The following RAB8A variants were observed in gnomAD, a reference collection of about 807,000 sequenced individuals.
The protein encoded by RAB8A is RAB8A, member RAS oncogene family, also known as ras-related protein Rab-8A.
A neutral mutation model predicts 29.2 loss-of-function variants in RAB8A; 5 were observed. The ratio of observed to expected loss-of-function variants is 0.17; its 90% CI spans 0.09 to 0.36. The LOEUF is 0.36. RAB8A is among the 10% of genes least tolerant of loss of function. The pLI is 1.00. For missense variants in RAB8A, 171 were observed against 272.2 expected (o/e 0.63, Z 2.62); for synonymous variants, 108 against 99.9 (o/e 1.08, Z -0.49).
Position 16,127,471 on chromosome 19 carries a change from G to A in RAB8A, c.359G>A (p.Gly120Glu). ...ASADVEKMILGNKCDVNDKRQ... is the reference protein window; with the variant it reads ...ASADVEKMILENKCDVNDKRQ... ...GCAGACGTCGAAAAGATGATACTCG[G>A]GAACAAGTGTGATGTGAATGACAAG... Residue 120 changes from glycine (G) to glutamate (E), a missense_variant, in exon 5 of 8, where the codon GGG (glycine) becomes GAG (glutamate). Physicochemically the swap from Gly to Glu is moderately conservative, Grantham distance 98 (BLOSUM62 -2). Around this residue, in one of 3 missense-constraint regions of RAB8A, gnomAD observed 145 missense variants for 212.8 expected, o/e 0.68. Transcript: ENST00000300935. The surrounding 1 kb of genome is among the most constrained non-coding windows in gnomAD (Gnocchi z 4.8). 1.3e-6 allele frequency: 2 copies of A among 1,532,220 alleles called. No homozygotes were observed. The highest frequency in any genetic ancestry group is 1.3e-5 in the South Asian group (1 of 76,556). The allele number at this position is 1,532,220 out of a possible 1,614,324, so 94.9% of individuals were successfully genotyped here.
chr19:16,127,751 CCACAGGAG>C lies in RAB8A; in HGVS notation c.414+227_414+234del. 1 of 604,678 alleles carries C rather than the reference CCACAGGAG, an allele frequency of 1.7e-6. No homozygotes were observed. The allele number at this position is 604,678 out of a possible 1,614,324, so 37.5% of individuals were successfully genotyped here. ...ATGGCCCCGCTCCAGACTTTCAAGA[CCACAGGAG>C]CGGGGAACAGAGCCATAGTTTGATC... is the stretch of plus-strand genomic sequence containing the variant. On this transcript the variant is annotated intron_variant, in intron 5 of 7. Transcript: ENST00000300935. This position sits in a 1 kb window ranked among gnomAD's most constrained non-coding sequence, Gnocchi z 4.8.
chr19:16,124,559 G>A (rs58672212), intron 3 of RAB8A: 20,948 of 152,334 alleles, frequency 0.14, 1,788 homozygotes, highest in East Asian at 0.29. Flanking sequence ...GACTTGTGAT[G>A]GCACTGCAGG....
rs1032020108 is a variant in RAB8A, at chr19:16,121,969, C to T, written c.246+159C>T. ...GTTAGTCTTAGGAACAGGCTTTGTG[C>T]CCCGGCCTACCCCCATGTACATACC... On this transcript the variant is annotated intron_variant, in intron 3 of 7. Coordinates refer to ENST00000300935, the MANE Select transcript of RAB8A (RefSeq NM_005370.5). 9 of 638,658 alleles carry T rather than the reference C, an allele frequency of 1.4e-5. No homozygotes were observed. In the Admixed American group the frequency reaches 2.2e-4, roughly 16 times the overall value. 39.6% of individuals were successfully genotyped at this position (638,658 alleles called of 1,614,324 possible). A position where few individuals can be genotyped will look rare whatever the true frequency, so the allele number is the denominator to read the frequency against.
chr19:16,119,959 G>C (rs2090866418), intron 2 of RAB8A, among the ~76,000 whole-genome samples: 1 of 151,732 alleles, frequency 6.6e-6, no homozygotes, highest in Non-Finnish European at 1.5e-5. Flanking sequence ...GATTACAGGT[G>C]CCTGCCACCA....
intron 2 of RAB8A, among the ~76,000 whole-genome samples, chr19:16,120,824 C>G (rs144222433): frequency 6.6e-6 from 1 of 151,644 alleles, no homozygotes; most frequent in African/African-American, 2.4e-5. Flanking sequence ...TTGGTCAGGC[C>G]GGTCTCGAAC....
At chr19:16,121,857 A>T (rs759523847) in intron 3 of RAB8A, 47 bp downstream of exon 3, 1 of 1,545,998 alleles carries the variant, frequency 6.5e-7, no homozygotes, top group South Asian at 1.1e-5. Context: ...TTAAGTCAAC[A>T]TGGGAGCGTC....
chr19:16,121,639 C>G (rs1468610030), intron 2 of RAB8A, 111 bp from the exon 3 acceptor site: 1 of 918,372 alleles, frequency 1.1e-6, no homozygotes, highest in Admixed American at 1.9e-5. Context: ...GAAGGTATCA[C>G]AGTGGCTGAA....
intron 7 of RAB8A, among the ~76,000 whole-genome samples, chr19:16,130,405 T>TA (rs924472539): frequency 1.3e-5 from 2 of 152,206 alleles, no homozygotes; most frequent in African/African-American, 4.8e-5. Flanking sequence ...GCACATAAAA[T>TA]ACAAAATGCC....
Position 16,127,967 on chromosome 19 carries a change from G to C in RAB8A, c.415-59G>C. On this transcript the variant is annotated intron_variant, in intron 5 of 7. Transcript: ENST00000300935. The surrounding 1 kb of genome is among the most constrained non-coding windows in gnomAD (Gnocchi z 4.8). ...GCCCTGCCTTCAGCTCCTGTTTTAG[G>C]CAAGCTCAGATGCGCCCGGCGGCTG... The C allele has an allele frequency of 6.3e-7, 1 of 1,576,872 alleles. No individual in the cohort carries two copies. Among genetic ancestry groups the C allele is most frequent in the South Asian group, 1.1e-5 (1 of 90,274 alleles).
At chr19:16,115,248 A>C (rs1308079022) in intron 1 of RAB8A, among the ~76,000 whole-genome samples, 1 of 152,086 alleles carries the variant, frequency 6.6e-6, no homozygotes, top group East Asian at 1.9e-4. Context: ...AGATTGTGCC[A>C]GTGCACTCCA....
intron 2 of RAB8A, 126 bp from the exon 3 acceptor site, chr19:16,121,624 C>A: frequency 1.3e-6 from 1 of 794,242 alleles, no homozygotes; most frequent in Non-Finnish European, 2.1e-6. Context: ...GCTGCCTTAG[C>A]AGAAGAAGGT....
chr19:16,132,077 T>TTGG lies in RAB8A; in HGVS notation c.532-134_532-133insGGT. The TTGG allele has an allele frequency of 3.0e-6, 2 of 674,188 alleles. No individual in the cohort carries two copies. Among genetic ancestry groups the TTGG allele is most frequent in the Admixed American group, 2.4e-5 (1 of 41,832 alleles). 41.8% of individuals were successfully genotyped at this position (674,188 alleles called of 1,614,324 possible). A position where few individuals can be genotyped will look rare whatever the true frequency, so the allele number is the denominator to read the frequency against. ...TTGGCTGGTTTGATTGGTTTGGTTG[T>TTGG]TTGGTTGGTTGGTTGGTTGGTTGGT... On this transcript the variant is annotated intron_variant, in intron 7 of 7. Transcript: ENST00000300935. This position sits in a 1 kb window ranked among gnomAD's most constrained non-coding sequence, Gnocchi z 5.6.
chr19:16,129,670 A>G, intron 7 of RAB8A, 66 bp downstream of exon 7: 2 of 1,518,748 alleles, frequency 1.3e-6, no homozygotes, highest in Non-Finnish European at 1.8e-6. Context: ...CGTTAGCAGC[A>G]GTGATATGAC....
chr19:16,130,563 C>T (rs953673288), intron 7 of RAB8A, among the ~76,000 whole-genome samples: 2 of 152,176 alleles, frequency 1.3e-5, no homozygotes, highest in Non-Finnish European at 2.9e-5. Context: ...AGTGCACTGA[C>T]CAACAATAAT....
intron 3 of RAB8A, chr19:16,124,725 C>G (rs2090890897): frequency 6.9e-6 from 1 of 144,032 alleles, no homozygotes; most frequent in East Asian, 2.1e-4. Flanking sequence ...CCCCCCGCCC[C>G]CCGTGCTTGA....
chr19:16,130,237 C>T (rs952047567), intron 7 of RAB8A, among the ~76,000 whole-genome samples: 1 of 152,170 alleles, frequency 6.6e-6, no homozygotes, highest in African/African-American at 2.4e-5. Flanking sequence ...CAAACACTTC[C>T]CTGTACTTTG....
Position 16,127,922 on chromosome 19 carries a change from G to A in RAB8A, c.415-104G>A. ...TCACGCCCACAGCCCCAGCCCTGTT[G>A]CTGCTCCCTCTTGGCGCCGGCCCTG... On this transcript the variant is annotated intron_variant, in intron 5 of 7. Transcript: ENST00000300935. The surrounding 1 kb of genome is among the most constrained non-coding windows in gnomAD (Gnocchi z 4.8). 1 of 1,182,152 alleles carries A rather than the reference G, an allele frequency of 8.5e-7. No individual in the cohort carries two copies. Among genetic ancestry groups the A allele is most frequent in the Non-Finnish European group, 1.3e-6 (1 of 794,164 alleles). 73.2% of individuals were successfully genotyped at this position (1,182,152 alleles called of 1,614,324 possible).
Position 16,128,109 on chromosome 19 carries a change from C to G in RAB8A, c.480+18C>G, listed in dbSNP as rs749494917. 1 of 1,612,864 alleles carries G rather than the reference C, an allele frequency of 6.2e-7. No homozygotes were observed. Among genetic ancestry groups the G allele is most frequent in the South Asian group, 1.1e-5 (1 of 91,046 alleles). ...TGGAAAATGTGAGTCCCGGGCCCTG[C>G]TGGGAGACATGGGGCCTGCAGGATC... On this transcript the variant is annotated intron_variant, in intron 6 of 7. Transcript: ENST00000300935.
chr19:16,117,983 G>A (rs1279478423), intron 1 of RAB8A, among the ~76,000 whole-genome samples: 1 of 152,174 alleles, frequency 6.6e-6, no homozygotes, highest in African/African-American at 2.4e-5. Flanking sequence ...CAAGGGACAA[G>A]AGCAGGGCTT....
Sources: gnomAD v4.1 joint callset for allele counts (sites outside exome capture counted in the v4.1 genomes callset) on GRCh38, gnomAD v4.1.1 for gene constraint, gnomAD v4.1.1 regional missense constraint, Gnocchi (gnomAD v3.1) non-coding constraint, MANE v1.5 for transcripts, NCBI Gene and HGNC (gene_info 2026-07-23, HGNC 2026-07-21) for gene names.